Variants in TTC34 observed in about 807,000 individuals in gnomAD.
TTC34 encodes the protein tetratricopeptide repeat protein 34.
In TTC34, 44 loss-of-function variants were observed where a neutral mutation model predicts 40.7. The observed-to-expected ratio is 1.08, with a 90% CI of 0.85 to 1.39. TTC34 has a LOEUF of 1.39. Ranked by LOEUF, TTC34 falls within the 40% of genes most tolerant of loss-of-function variation. The pLI is 0.00. For synonymous variants in TTC34, 422 were observed against 398.6 expected, an observed-to-expected ratio of 1.06 and a Z score of -0.70; for missense variants, 884 against 838.0, an observed-to-expected ratio of 1.05 and a Z score of -0.68.
In TTC34 at chr1:2,749,617, T is replaced by A. The variant is rs1170256479; in HGVS notation, c.2226+33992A>T. On this transcript the variant is annotated intron_variant, in intron 6 of 8. Coordinates refer to ENST00000401095, the Ensembl canonical transcript of TTC34. Reference sequence around the variant, plus strand: ...CAGCACCCACACCCCCAGGTGTGCATGTGATGGTCTGGAGCAGCCCCCACA... The same window carrying A: ...CAGCACCCACACCCCCAGGTGTGCAAGTGATGGTCTGGAGCAGCCCCCACA... Among the ~76,000 whole-genome samples the A allele has an allele frequency of 9.6e-3, 589 of 61,386 alleles. 2 individuals are homozygous for A. Among genetic ancestry groups the A allele is most frequent in the South Asian group, 0.017 (23 of 1,380 alleles). The allele number at this position is 61,386 out of a possible 152,430, so 40.3% of individuals were successfully genotyped here.
intron 6 of TTC34, among the ~76,000 whole-genome samples, chr1:2,655,515 G>T (rs796668830): frequency 1.5e-4 from 6 of 41,290 alleles, no homozygotes; most frequent in African/African-American, 4.1e-4. Context: ...CATCTGACAG[G>T]CTGGAGCAGC....
chr1:2,752,870 T>G (rs1641370744), intron 6 of TTC34, among the ~76,000 whole-genome samples: 2 of 150,676 alleles, frequency 1.3e-5, no homozygotes, highest in African/African-American at 2.4e-5. Context: ...GGCGAGCATC[T>G]GATGGCCTGG....
chr1:2,644,188 A>C, intron 8 of TTC34, 76 bp downstream of exon 8: 2 of 1,390,916 alleles, frequency 1.4e-6, no homozygotes, highest in East Asian at 5.0e-5. Flanking sequence ...AGGCTGCCCC[A>C]GTGGTGGGCC....
At chr1:2,647,764 T>A (rs1479199946) in intron 6 of TTC34, among the ~76,000 whole-genome samples, 1 of 152,248 alleles carries the variant, frequency 6.6e-6, no homozygotes, top group African/African-American at 2.4e-5. Flanking sequence ...ATTACAGGTG[T>A]GAGCCATGAT....
chr1:2,676,902 C>T (rs1639923293), intron 6 of TTC34, among the ~76,000 whole-genome samples: 1 of 135,308 alleles, frequency 7.4e-6, no homozygotes, highest in Non-Finnish European at 1.6e-5. Context: ...AGGTGAGCAT[C>T]TGACAGCCTG....
chr1:2,789,546 G>C, exon 3 of TTC34: 2 of 1,497,210 alleles, frequency 1.3e-6, no homozygotes. Context: ...GCCTCCCTCC[G>C]GCCCTGCGCT....
chr1:2,690,942 T>C (rs201367751), intron 6 of TTC34, among the ~76,000 whole-genome samples: 60 of 7,820 alleles, frequency 7.7e-3, no homozygotes, highest in Non-Finnish European at 0.011. Flanking sequence ...AACCCACACC[T>C]CCAGGTGAGC....
At chr1:2,785,939 G>A in exon 5 of TTC34, 1 of 1,528,040 alleles carries the variant, frequency 6.5e-7, no homozygotes, top group Non-Finnish European at 8.8e-7. Context: ...TGGCCTTGAA[G>A]CAGCTGCCGG....
chr1:2,787,627 C>T (rs756897695), exon 4 of TTC34: 8 of 1,549,880 alleles, frequency 5.2e-6, no homozygotes, highest in Non-Finnish European at 7.0e-6. Context: ...AGGGCATCAG[C>T]CGCCAGGAGG....
chr1:2,783,467 G>A, intron 6 of TTC34, 142 bp downstream of exon 6: 4 of 843,288 alleles, frequency 4.7e-6, no homozygotes, highest in Non-Finnish European at 6.4e-6. Context: ...TGTACAGGTG[G>A]GGATGGGAAC....
rs1360765163 is a variant in TTC34 at position 2,752,191 on chromosome 1, C to A, written c.2226+31418G>T. ...ACACCAACAGGTGAGCATCTGACAG[C>A]CTGGAACAGAACCCACACCCCCAGG... On this transcript the variant is annotated intron_variant, in intron 6 of 8. Coordinates refer to ENST00000401095, the Ensembl canonical transcript of TTC34. 1.7e-5 allele frequency among the ~76,000 whole-genome samples: 2 copies of A among 120,704 alleles called. 1 individual carries two copies. Among genetic ancestry groups the A allele is most frequent in the Non-Finnish European group, 3.3e-5 (2 of 60,062 alleles). 79.2% of individuals were successfully genotyped at this position (120,704 alleles called of 152,430 possible).
rs1367387139 is a variant in TTC34 at position 2,691,543 on chromosome 1, C to A, written c.2227-45980G>T. 1.6e-4 allele frequency among the ~76,000 whole-genome samples: 17 copies of A among 104,224 alleles called. 3 individuals carry two copies. Among genetic ancestry groups the A allele is most frequent in the Admixed American group, 1.0e-3 (10 of 9,934 alleles). 68.4% of individuals were successfully genotyped at this position (104,224 alleles called of 152,430 possible). Reference sequence around the variant, plus strand: ...GGAGAGTCTGGAACAGAACCCACACCCCCAGGTGAGCATCTGACAGACTGG... The same window carrying A: ...GGAGAGTCTGGAACAGAACCCACACACCCAGGTGAGCATCTGACAGACTGG... On this transcript the variant is annotated intron_variant, in intron 6 of 8. Transcript: ENST00000401095.
intron 6 of TTC34, among the ~76,000 whole-genome samples, chr1:2,756,622 C>G (rs1641514267): frequency 6.6e-6 from 1 of 151,544 alleles, no homozygotes; most frequent in African/African-American, 2.4e-5. Flanking sequence ...GAACAGCACC[C>G]ACACCCCCAG....
chr1:2,684,661 G>A (rs1364093575), intron 6 of TTC34, among the ~76,000 whole-genome samples: 6 of 135,768 alleles, frequency 4.4e-5, no homozygotes, highest in East Asian at 4.2e-4. Context: ...CCGACAGCCT[G>A]GAGCAGCACC....
intron 6 of TTC34, among the ~76,000 whole-genome samples, chr1:2,646,793 G>A (rs1639028214): frequency 6.6e-6 from 1 of 152,210 alleles, no homozygotes; most frequent in Non-Finnish European, 1.5e-5. Context: ...ATTTCTATCA[G>A]GCATCAGTTC....
chr1:2,759,508 A>C (rs1641621443), intron 6 of TTC34, among the ~76,000 whole-genome samples: 1 of 139,830 alleles, frequency 7.2e-6, no homozygotes, highest in Non-Finnish European at 1.5e-5. Flanking sequence ...AGCCTGGAGC[A>C]GCACCCACAC....
intron 2 of TTC34, among the ~76,000 whole-genome samples, chr1:2,798,912 T>C (rs1168735403): frequency 1.7e-4 from 11 of 65,914 alleles, no homozygotes; most frequent in Admixed American, 4.6e-4. Flanking sequence ...CCTCTCAGCC[T>C]CCAAGCCTCG....
intron 6 of TTC34, among the ~76,000 whole-genome samples, chr1:2,756,977 G>A (rs1641527490): frequency 0.02 from 2,605 of 132,594 alleles, no homozygotes; most frequent in East Asian, 0.034. Flanking sequence ...GACTGGAACA[G>A]CACCCACACG....
chr1:2,677,719 C>G (rs940511716), intron 6 of TTC34, among the ~76,000 whole-genome samples: 6 of 140,970 alleles, frequency 4.3e-5, no homozygotes, highest in African/African-American at 1.1e-4. Context: ...CAGCCTGGAA[C>G]AGCACCCTGC....
Sources: allele counts gnomAD v4.1 joint callset (sites outside exome capture counted in the v4.1 genomes callset), GRCh38; gene constraint gnomAD v4.1.1; transcripts MANE v1.5; gene names NCBI Gene and HGNC (gene_info 2026-07-23, HGNC 2026-07-21).